Variants in ZBTB7C observed in about 807,000 individuals in gnomAD.
The protein encoded by ZBTB7C is zinc finger and BTB domain-containing protein 7C.
ZBTB7C carries 8 observed loss-of-function variants against 25.7 expected under a neutral mutation model. That is an observed-to-expected ratio of 0.31 (90% CI 0.18 to 0.56). ZBTB7C has a LOEUF of 0.56. ZBTB7C is among the 20% of genes least tolerant of loss of function. The pLI, the probability that ZBTB7C is intolerant of heterozygous loss-of-function variation, is 0.91. For missense variants in ZBTB7C, 824 were observed against 855.2 expected (o/e 0.96, Z 0.46); for synonymous variants, 394 against 369.0 (o/e 1.07, Z -0.78).
intron 1 of ZBTB7C, among the ~76,000 whole-genome samples, chr18:48,354,462 G>T (rs998633772): frequency 2.0e-5 from 3 of 152,172 alleles, no homozygotes; most frequent in African/African-American, 7.2e-5. Context: ...GGACAAACTT[G>T]ACTTGGAAAC....
At chr18:48,053,687 A>T (rs1290810463) in intron 3 of ZBTB7C, among the ~76,000 whole-genome samples, 1 of 152,096 alleles carries the variant, frequency 6.6e-6, no homozygotes, top group Non-Finnish European at 1.5e-5. Context: ...TCTCTCAGCT[A>T]CTGCAGTATT....
At chr18:48,299,247 G>A (rs1388085436) in intron 2 of ZBTB7C, among the ~76,000 whole-genome samples, 1 of 152,100 alleles carries the variant, frequency 6.6e-6, no homozygotes, top group African/African-American at 2.4e-5. Flanking sequence ...ACTCATGCAG[G>A]GAAAAAAACT....
chr18:48,029,858 A>T lies in ZBTB7C; in HGVS notation c.1262T>A (p.Leu421Gln), dbSNP rs1233792858. ...MRKHTGERPY[L>Q]CIHCNAKFVH... ...GAACTTGGCGTTGCAGTGGATGCAC[A>T]GGTAGGGCCGCTCCCCTGTGTGCTT... Residue 421 changes from leucine (L) to glutamine (Q), a missense_variant, in exon 5 of 5, where the codon CTG (leucine) becomes CAG (glutamine). This residue lies in a region of ZBTB7C where 342 missense variants were observed against 307.0 expected (regional missense o/e 1.11). Transcript: ENST00000590800. 1 of 1,611,202 alleles carries T rather than the reference A, an allele frequency of 6.2e-7. No homozygotes were observed.
chr18:48,180,790 C>T (rs1303862117), intron 3 of ZBTB7C, among the ~76,000 whole-genome samples: 1 of 152,158 alleles, frequency 6.6e-6, no homozygotes, highest in Non-Finnish European at 1.5e-5. Context: ...CTACAGCCTC[C>T]TAGAACATCA....
intron 2 of ZBTB7C, among the ~76,000 whole-genome samples, chr18:48,270,296 T>C (rs141259884): frequency 0.057 from 8,249 of 143,892 alleles, 493 homozygotes; most frequent in East Asian, 0.16. Context: ...TCTCGCTCTG[T>C]TGCCAGGCTG....
intron 2 of ZBTB7C, among the ~76,000 whole-genome samples, chr18:48,294,413 T>C (rs1026623786): frequency 2.0e-5 from 3 of 150,478 alleles, no homozygotes; most frequent in Non-Finnish European, 4.4e-5. Context: ...TTGGCTCCCA[T>C]TATAACACAA....
chr18:48,250,251 C>T (rs2043809566), intron 2 of ZBTB7C, among the ~76,000 whole-genome samples: 1 of 152,128 alleles, frequency 6.6e-6, no homozygotes, highest in African/African-American at 2.4e-5. Flanking sequence ...TATTTTCTTT[C>T]CCATCTTCCC....
intron 3 of ZBTB7C, among the ~76,000 whole-genome samples, chr18:48,125,592 T>C (rs929176509): frequency 2.0e-5 from 3 of 152,176 alleles, no homozygotes; most frequent in Admixed American, 1.3e-4. Flanking sequence ...GTGCTGGCCA[T>C]AACAATATGA....
At chr18:48,110,919 A>C (rs917183727) in intron 3 of ZBTB7C, among the ~76,000 whole-genome samples, 1 of 152,164 alleles carries the variant, frequency 6.6e-6, no homozygotes, top group African/African-American at 2.4e-5. Context: ...AATCAGGCTT[A>C]TTCCTTTGCT....
intron 2 of ZBTB7C, among the ~76,000 whole-genome samples, chr18:48,242,823 A>T (rs901523699): frequency 6.6e-6 from 1 of 152,236 alleles, no homozygotes; most frequent in Non-Finnish European, 1.5e-5. Context: ...ACTTCTGTTC[A>T]ACATAGTACT....
At chr18:48,266,043 G>A (rs549014798) in intron 2 of ZBTB7C, among the ~76,000 whole-genome samples, 6 of 152,316 alleles carry the variant, frequency 3.9e-5, no homozygotes, top group East Asian at 1.9e-4. Flanking sequence ...ATGATGGAGC[G>A]TCAGTTTGGC....
chr18:48,225,592 T>G (rs913246075), intron 2 of ZBTB7C, among the ~76,000 whole-genome samples: 1 of 152,202 alleles, frequency 6.6e-6, no homozygotes, highest in Non-Finnish European at 1.5e-5. Context: ...AGCACTTATT[T>G]TTTCAGCACT....
intron 3 of ZBTB7C, among the ~76,000 whole-genome samples, chr18:48,140,646 T>C (rs1023621181): frequency 6.6e-6 from 1 of 152,150 alleles, no homozygotes. Flanking sequence ...CAAGAGGGTA[T>C]TGTTAGGCAG....
intron 1 of ZBTB7C, among the ~76,000 whole-genome samples, chr18:48,367,364 ATATATAT>A (rs2047267844): frequency 7.6e-6 from 1 of 132,398 alleles, no homozygotes; most frequent in Non-Finnish European, 1.6e-5. Flanking sequence ...ATATATATAT[ATATATAT>A]AAAATACAAA....
At chr18:48,271,914 AT>A (rs1441736963) in intron 2 of ZBTB7C, among the ~76,000 whole-genome samples, 7 of 152,236 alleles carry the variant, frequency 4.6e-5, no homozygotes, top group Non-Finnish European at 1.0e-4. Context: ...ACCCTAAATT[AT>A]GCCACTATCA....
intron 1 of ZBTB7C, among the ~76,000 whole-genome samples, chr18:48,349,770 T>G (rs1166375120): frequency 1.3e-5 from 2 of 152,124 alleles, no homozygotes; most frequent in Admixed American, 1.3e-4. Context: ...AATTCCACAT[T>G]TAACAGAGGC....
intron 2 of ZBTB7C, among the ~76,000 whole-genome samples, chr18:48,242,211 T>C (rs917797461): frequency 5.5e-4 from 84 of 152,026 alleles, no homozygotes; most frequent in Admixed American, 7.2e-4. Context: ...AATAAAAAAA[T>C]TGTCAACAAA....
chr18:48,156,338 T>A (rs1454477949), intron 3 of ZBTB7C, among the ~76,000 whole-genome samples: 1 of 152,034 alleles, frequency 6.6e-6, no homozygotes, highest in Non-Finnish European at 1.5e-5. Flanking sequence ...GGAGCTCCGC[T>A]TTTTTGTTCT....
At chr18:48,066,232 G>T (rs1175274748) in intron 3 of ZBTB7C, among the ~76,000 whole-genome samples, 2 of 152,148 alleles carry the variant, frequency 1.3e-5, no homozygotes, top group African/African-American at 4.8e-5. Context: ...TGTCTCTAGA[G>T]CCCCTATCTG....
Sources: gnomAD v4.1 joint callset for allele counts (sites outside exome capture counted in the v4.1 genomes callset) on GRCh38, gnomAD v4.1.1 for gene constraint, gnomAD v4.1.1 regional missense constraint, MANE v1.5 for transcripts, NCBI Gene and HGNC (gene_info 2026-07-23, HGNC 2026-07-21) for gene names.